QRFPR: variants seen among roughly 807,000 people sequenced by gnomAD.
QRFPR encodes the protein pyroglutamylated RFamide peptide receptor.
In QRFPR, 37 loss-of-function variants were observed where a neutral mutation model predicts 31.3. The ratio of observed to expected loss-of-function variants is 1.18; its 90% CI spans 0.91 to 1.56. The LOEUF (loss-of-function observed/expected upper bound fraction) is 1.56, where lower values mean the gene tolerates loss of function less well. Ranked by LOEUF, QRFPR falls within the 40% of genes most tolerant of loss-of-function variation. QRFPR has a pLI of 0.00. For missense variants in QRFPR, 542 were observed against 532.5 expected, an observed-to-expected ratio of 1.02 and a Z score of -0.18; for synonymous variants, 197 against 192.0, an observed-to-expected ratio of 1.03 and a Z score of -0.22.
Position 121,376,022 on chromosome 4 carries a change from C to A in QRFPR, c.340+4286G>T, listed in dbSNP as rs115633909. On this transcript the variant is annotated intron_variant, in intron 1 of 5. Coordinates refer to ENST00000394427, the MANE Select transcript of QRFPR (RefSeq NM_198179.3). The stretch of plus-strand genomic sequence containing the variant: ...AAACAAAATGAGGAGGAACAGGCTG[C>A]AGATAAGGACAGGTAAATTTGGTGG... 4.5e-3 allele frequency among the ~76,000 whole-genome samples: 692 copies of A among 152,212 alleles called. 4 individuals are homozygous for A. Among genetic ancestry groups the A allele is most frequent in the African/African-American group, 0.016 (659 of 41,526 alleles).
intron 1 of QRFPR, 85 bp downstream of exon 1, chr4:121,380,223 G>A: frequency 5.8e-6 from 5 of 867,186 alleles, no homozygotes; most frequent in Non-Finnish European, 5.4e-6. Flanking sequence ...GAGAGAGAGA[G>A]AGAGAGAGAG....
At chr4:121,365,535 A>T (rs539377039) in intron 1 of QRFPR, among the ~76,000 whole-genome samples, 1,324 of 5,398 alleles carry the variant, frequency 0.25, 171 homozygotes, top group East Asian at 0.31. Context: ...ATTATATATA[A>T]TATATATTAT....
chr4:121,374,923 C>T (rs776913476), intron 1 of QRFPR, among the ~76,000 whole-genome samples: 10 of 152,144 alleles, frequency 6.6e-5, no homozygotes, highest in African/African-American at 2.2e-4. Context: ...TCACTGCCCA[C>T]GGCAGGATTT....
At chr4:121,368,064 A>G (rs1038583549) in intron 1 of QRFPR, among the ~76,000 whole-genome samples, 2 of 150,020 alleles carry the variant, frequency 1.3e-5, no homozygotes. Flanking sequence ...GACAGTATTC[A>G]AGACAAAAAC....
chr4:121,335,961 C>T (rs547721577), intron 3 of QRFPR, among the ~76,000 whole-genome samples: 1 of 152,166 alleles, frequency 6.6e-6, no homozygotes, highest in Non-Finnish European at 1.5e-5. Context: ...CCTATGGAGT[C>T]CAGCTCATTC....
At position 121,380,787 on chromosome 4, in the gene QRFPR, T is replaced by TA. The variant is rs1726479294; in HGVS notation, c.-141dup. ...TGGAGTCAGCCGCGCGGGAGGGCTC[T>TA]AGGCTGCACCCCGGGAGGTTCGGGA... is the stretch of plus-strand genomic sequence containing the variant. On this transcript the variant is annotated 5_prime_UTR_variant, in exon 1 of 6. Transcript: ENST00000394427. 1.4e-6 allele frequency: 1 copy of TA among 718,696 alleles called. No individual in the cohort carries two copies. Among genetic ancestry groups the TA allele is most frequent in the East Asian group, 2.8e-5 (1 of 36,094 alleles). The allele number at this position is 718,696 out of a possible 1,614,324, so 44.5% of individuals were successfully genotyped here.
chr4:121,342,749 A>G (rs1443804032), intron 1 of QRFPR, among the ~76,000 whole-genome samples: 1 of 152,120 alleles, frequency 6.6e-6, no homozygotes, highest in East Asian at 1.9e-4. Flanking sequence ...GAATGGCAAT[A>G]CGTTAGGCCA....
intron 1 of QRFPR, among the ~76,000 whole-genome samples, chr4:121,347,736 T>C (rs1005354860): frequency 7.9e-5 from 12 of 152,252 alleles, no homozygotes; most frequent in Middle Eastern, 3.4e-3. Flanking sequence ...TTACATTTAC[T>C]CTGTCAAGAC....
intron 1 of QRFPR, among the ~76,000 whole-genome samples, chr4:121,371,756 T>A (rs1726251276): frequency 6.6e-6 from 1 of 152,218 alleles, no homozygotes; most frequent in Non-Finnish European, 1.5e-5. Flanking sequence ...AGTACCTTCC[T>A]ATGGAAGAAC....
chr4:121,346,058 C>G (rs914066704), intron 1 of QRFPR, among the ~76,000 whole-genome samples: 2 of 137,342 alleles, frequency 1.5e-5, no homozygotes, highest in Admixed American at 1.5e-4. Context: ...ATAATAATTA[C>G]TCTGTGAATA....
intron 1 of QRFPR, among the ~76,000 whole-genome samples, chr4:121,375,397 T>C (rs1726331538): frequency 6.6e-6 from 1 of 152,196 alleles, no homozygotes; most frequent in East Asian, 1.9e-4. Flanking sequence ...CTTAGTCTAA[T>C]GGAAACTTGG....
In QRFPR at chr4:121,337,975, T is replaced by A. The variant is rs185935439; in HGVS notation, c.500-1107A>T. On this transcript the variant is annotated intron_variant, in intron 2 of 5. Transcript: ENST00000394427. ...TCGAACTCTGCTTGTTCTTTCTATA[T>A]TGGGTGGAACATTAAGAAAACAGTT... 9.2e-5 allele frequency among the ~76,000 whole-genome samples: 14 copies of A among 152,274 alleles called. No homozygotes were observed. In the East Asian group the frequency reaches 2.3e-3, roughly 25 times the overall value.
chr4:121,340,269 G>A (rs1725516296), intron 2 of QRFPR, 183 bp downstream of exon 2: 2 of 623,448 alleles, frequency 3.2e-6, no homozygotes, highest in Non-Finnish European at 5.6e-6. Flanking sequence ...CAGTTTTGAG[G>A]TCAGCCTAAA....
intron 3 of QRFPR, among the ~76,000 whole-genome samples, chr4:121,335,703 G>T (rs1486131248): frequency 6.6e-6 from 1 of 151,970 alleles, no homozygotes; most frequent in Non-Finnish European, 1.5e-5. Flanking sequence ...CACACTGAGG[G>T]AAGGGAAAAA....
At position 121,380,575 on chromosome 4, in the gene QRFPR, A is replaced by G; in HGVS notation, c.73T>C (p.Phe25Leu). The G allele has an allele frequency of 6.2e-7, 1 of 1,608,752 alleles. No individual in the cohort carries two copies. The highest frequency in any genetic ancestry group is 8.5e-7 in the Non-Finnish European group (1 of 1,177,286). Residue 25 changes from phenylalanine to leucine, a missense_variant, in exon 1 of 6, where the codon TTC becomes CTC. Coordinates refer to ENST00000394427, the MANE Select transcript of QRFPR (RefSeq NM_198179.3). The part of the protein sequence containing the change: ...LRDHNLTREQ[F>L]IALYRLRPLV... ...GGTCGCAGCCGGTACAGAGCGATGAACTGCTCCCGCGTCAGGTTGTGGTCC... is the reference window on the plus strand; with the variant it reads ...GGTCGCAGCCGGTACAGAGCGATGAGCTGCTCCCGCGTCAGGTTGTGGTCC...
intron 1 of QRFPR, among the ~76,000 whole-genome samples, chr4:121,362,459 G>C (rs993901621): frequency 6.7e-6 from 1 of 149,784 alleles, no homozygotes; most frequent in Non-Finnish European, 1.5e-5. Context: ...TTATTTTCTG[G>C]ACATCAACAA....
At chr4:121,330,578 G>C (rs1473058974) in intron 4 of QRFPR, 55 bp from the exon 5 acceptor site, 2 of 1,284,558 alleles carry the variant, frequency 1.6e-6, no homozygotes, top group Admixed American at 1.7e-5. Flanking sequence ...AAATGTGCCA[G>C]CTTGATAGCA....
chr4:121,375,453 T>G (rs1487997549), intron 1 of QRFPR, among the ~76,000 whole-genome samples: 1 of 152,196 alleles, frequency 6.6e-6, no homozygotes, highest in Non-Finnish European at 1.5e-5. Context: ...AATATCCCAG[T>G]GCACACAGGA....
Position 121,373,863 on chromosome 4 carries a change from T to C in QRFPR, c.340+6445A>G, listed in dbSNP as rs187410756. ...CATGTTGTGTACAGTGAGTGCTTTC[T>C]TTCTCTCCCTCCTTTCCTTCCAGTT... On this transcript the variant is annotated intron_variant, in intron 1 of 5. Transcript: ENST00000394427. Among the ~76,000 whole-genome samples, 700 of 152,354 alleles carry C rather than the reference T, an allele frequency of 4.6e-3. 4 individuals carry two copies. Among genetic ancestry groups the C allele is most frequent in the African/African-American group, 0.016 (666 of 41,582 alleles).
Sources: gnomAD v4.1 joint callset for allele counts (sites outside exome capture counted in the v4.1 genomes callset) on GRCh38, gnomAD v4.1.1 for gene constraint, MANE v1.5 for transcripts, NCBI Gene and HGNC (gene_info 2026-07-23, HGNC 2026-07-21) for gene names.